DNM1L: variants seen among roughly 807,000 people sequenced by gnomAD.
DNM1L encodes the protein dynamin-1-like protein.
DNM1L carries 33 observed loss-of-function variants against 92.8 expected under a neutral mutation model. The observed-to-expected ratio is 0.36, with a 90% CI of 0.27 to 0.48. The LOEUF is 0.48. Among genes scored for constraint, DNM1L ranks in the 20% least tolerant of loss-of-function variants. The probability of loss-of-function intolerance (pLI) is 0.99; values close to 1 mark genes in which losing one functional copy is unlikely to be tolerated. For missense variants in DNM1L, 485 were observed against 888.8 expected, an observed-to-expected ratio of 0.55 and a Z score of 5.78; for synonymous variants, 284 against 305.0, an observed-to-expected ratio of 0.93 and a Z score of 0.72.
In DNM1L at chr12:32,717,837, CTA is replaced by C. The variant is rs1387907440; in HGVS notation, c.620-798_620-797del. 6.4e-4 allele frequency among the ~76,000 whole-genome samples: 66 copies of C among 102,990 alleles called. 3 individuals carry two copies. The highest frequency in any genetic ancestry group is 8.6e-4 in the Non-Finnish European group (48 of 55,628). The allele number at this position is 102,990 out of a possible 152,430, so 67.6% of individuals were successfully genotyped here. On this transcript the variant is annotated intron_variant, in intron 6 of 19. Coordinates refer to ENST00000549701, the MANE Select transcript of DNM1L (RefSeq NM_012062.5). ...TACTATAAAATATATATAGTATATACTATATATATTTTATAAATATACTATAT... is the reference window on the plus strand; with the variant it reads ...TACTATAAAATATATATAGTATATACTATATATTTTATAAATATACTATAT...
chr12:32,718,317 T>A lies in DNM1L; in HGVS notation c.620-326T>A, dbSNP rs1189051624. Among the ~76,000 whole-genome samples, 5 of 151,506 alleles carry A rather than the reference T, an allele frequency of 3.3e-5. No individual in the cohort carries two copies. The Admixed American group carries it at 3.3e-4, about 10-fold the overall frequency. ...CCACTGTGCCTGGCTAATTTTTGTA[T>A]TTTTAGTAGAGATGGGGTTTTACCA... On this transcript the variant is annotated intron_variant, in intron 6 of 19. Coordinates refer to ENST00000549701, the MANE Select transcript of DNM1L (RefSeq NM_012062.5).
chr12:32,709,401 C>G (rs1022775502), intron 4 of DNM1L: 2 of 152,136 alleles, frequency 1.3e-5, no homozygotes, highest in African/African-American at 4.8e-5. Context: ...TTACACAGTA[C>G]CAGAATTTAG....
chr12:32,734,727 T>G (rs1188069579), intron 13 of DNM1L, among the ~76,000 whole-genome samples: 1 of 152,118 alleles, frequency 6.6e-6, no homozygotes, highest in Non-Finnish European at 1.5e-5. Context: ...AGAATCAACT[T>G]GAACCCAGGA....
chr12:32,709,532 T>G (rs565422984), intron 4 of DNM1L: 114 of 152,308 alleles, frequency 7.5e-4, no homozygotes, highest in African/African-American at 2.7e-3. Context: ...CCTAGCAGCT[T>G]TTCATCCACA....
At chr12:32,695,579 T>C (rs185051215) in intron 1 of DNM1L, among the ~76,000 whole-genome samples, 280 of 152,264 alleles carry the variant, frequency 1.8e-3, no homozygotes, top group African/African-American at 6.4e-3. Context: ...GAGACCAGCC[T>C]GGGCAACATG....
At chr12:32,716,325 G>A (rs1391497455) in intron 6 of DNM1L, among the ~76,000 whole-genome samples, 1 of 151,922 alleles carries the variant, frequency 6.6e-6, no homozygotes, top group Non-Finnish European at 1.5e-5. Flanking sequence ...CACCAAAAAA[G>A]AGTAAATATT....
chr12:32,737,364 G>A, intron 14 of DNM1L: 1 of 545,942 alleles, frequency 1.8e-6, no homozygotes, highest in Non-Finnish European at 3.2e-6. Context: ...TGACATAAAT[G>A]CTTAAAAGTA....
chr12:32,721,825 C>T (rs1362529483), intron 8 of DNM1L, among the ~76,000 whole-genome samples: 1 of 152,162 alleles, frequency 6.6e-6, no homozygotes, highest in East Asian at 1.9e-4. Flanking sequence ...CCATGATCCC[C>T]TTTTCATGTT....
In DNM1L at chr12:32,711,438, C is replaced by T. The variant is rs144685209; in HGVS notation, c.456+423C>T. 1.5e-3 allele frequency among the ~76,000 whole-genome samples: 221 copies of T among 152,116 alleles called. 1 individual carries two copies. The highest frequency in any genetic ancestry group is 2.5e-3 in the Non-Finnish European group (173 of 68,010). On this transcript the variant is annotated intron_variant, in intron 5 of 19. Transcript: ENST00000549701. ...ATCTAGTTGCTATTCGACATATACA[C>T]TTAAATGTCTAATAGACATTTCAAA... is the stretch of plus-strand genomic sequence containing the variant.
Position 32,740,525 on chromosome 12 carries a change from ATTAC to A in DNM1L, c.1994+11_1994+14del, listed in dbSNP as rs749817993. ...GAAAGAATATTCAAGACAGGTTAGT[ATTAC>A]TTAATATAAATGACGGACTTTAATA... is the stretch of plus-strand genomic sequence containing the variant. On this transcript the variant is annotated splice_region_variant and intron_variant, in intron 18 of 19. Transcript: ENST00000549701. The A allele has an allele frequency of 1.8e-5, 28 of 1,596,654 alleles. No individual in the cohort carries two copies. Among genetic ancestry groups the A allele is most frequent in the Admixed American group, 1.0e-4 (6 of 59,670 alleles).
intron 9 of DNM1L, chr12:32,726,846 T>C: frequency 1.6e-6 from 1 of 634,768 alleles, no homozygotes. Flanking sequence ...TGGTTCTGGT[T>C]CTAACCTCAT....
At chr12:32,682,033 C>T (rs1033786518) in intron 1 of DNM1L, among the ~76,000 whole-genome samples, 1 of 152,000 alleles carries the variant, frequency 6.6e-6, no homozygotes, top group Admixed American at 6.6e-5. Flanking sequence ...AGTGTAGTCT[C>T]TATCCTACAT....
At chr12:32,706,165 T>A (rs1373916440) in intron 2 of DNM1L, 1 of 260,298 alleles carries the variant, frequency 3.8e-6, no homozygotes, top group Non-Finnish European at 7.2e-6. Context: ...TTGCATTTTG[T>A]GAGTTCTGTT....
intron 6 of DNM1L, among the ~76,000 whole-genome samples, chr12:32,713,800 A>C (rs1235553334): frequency 6.6e-6 from 1 of 151,858 alleles, no homozygotes; most frequent in African/African-American, 2.4e-5. Context: ...GGCAACATAG[A>C]CTCTGTCTGT....
At chr12:32,705,999 G>T in intron 2 of DNM1L, 1 of 721,016 alleles carries the variant, frequency 1.4e-6, no homozygotes, top group South Asian at 3.3e-5. Flanking sequence ...AGGTTTTAGT[G>T]GTTCTTGTTA....
intron 1 of DNM1L, among the ~76,000 whole-genome samples, chr12:32,686,253 G>A (rs796311184): frequency 4.6e-5 from 7 of 152,080 alleles, no homozygotes; most frequent in African/African-American, 1.7e-4. Flanking sequence ...CTCCATGTTG[G>A]TCAGGCTAGT....
rs542101677 is a variant in DNM1L at position 32,706,870 on chromosome 12, G to C, written c.251-497G>C. 31 of 337,320 alleles carry C rather than the reference G, an allele frequency of 9.2e-5. 2 individuals carry two copies. The highest frequency in any genetic ancestry group is 7.1e-4 in the South Asian group (28 of 39,336). 20.9% of individuals were successfully genotyped at this position (337,320 alleles called of 1,614,324 possible). ...GAACTGAAGAATTAGCTGTTTCATTGACACATTGTAAAATTTTTCCTTGAG... is the reference window on the plus strand; with the variant it reads ...GAACTGAAGAATTAGCTGTTTCATTCACACATTGTAAAATTTTTCCTTGAG... On this transcript the variant is annotated intron_variant, in intron 2 of 19. Coordinates refer to ENST00000549701, the MANE Select transcript of DNM1L (RefSeq NM_012062.5).
rs1565552736 is a variant in DNM1L, at chr12:32,744,837, AGAT to A, written c.*1431_*1433del. On this transcript the variant is annotated 3_prime_UTR_variant, in exon 20 of 20. Coordinates refer to ENST00000549701, the MANE Select transcript of DNM1L (RefSeq NM_012062.5). ...TATACATATTTTGTTAAAATTCCCC[AGAT>A]GATTCTTGGTATGAACGACTATATT... 2.1e-6 allele frequency: 1 copy of A among 485,738 alleles called. No homozygotes were observed. The highest frequency in any genetic ancestry group is 2.0e-5 in the African/African-American group (1 of 51,132). 30.1% of individuals were successfully genotyped at this position (485,738 alleles called of 1,614,324 possible). A position where few individuals can be genotyped will look rare whatever the true frequency, so the allele number is the denominator to read the frequency against.
At chr12:32,680,221 G>T (rs12314125) in intron 1 of DNM1L, among the ~76,000 whole-genome samples, 27,315 of 151,570 alleles carry the variant, frequency 0.18, 2,885 homozygotes, top group African/African-American at 0.3. Flanking sequence ...ATTTTTTTTT[G>T]AATGCAGAAA....
Sources: allele counts gnomAD v4.1 joint callset (sites outside exome capture counted in the v4.1 genomes callset), GRCh38; gene constraint gnomAD v4.1.1; transcripts MANE v1.5; gene names NCBI Gene and HGNC (gene_info 2026-07-23, HGNC 2026-07-21).